Variants in PLA2G4B observed in about 807,000 individuals in gnomAD.
PLA2G4B encodes the protein phospholipase A2 group IVB, also known as cytosolic phospholipase A2 beta.
PLA2G4B carries 122 observed loss-of-function variants against 95.8 expected under a neutral mutation model. That is an observed-to-expected ratio of 1.27 (90% CI 1.10 to 1.48). The LOEUF (loss-of-function observed/expected upper bound fraction) is 1.48. Among genes scored for constraint, PLA2G4B ranks in the 40% most tolerant of loss-of-function variants. The pLI is 0.00. For synonymous variants in PLA2G4B, 518 were observed against 421.5 expected, an observed-to-expected ratio of 1.23 and a Z score of -2.80; for missense variants, 1,158 against 996.2, an observed-to-expected ratio of 1.16 and a Z score of -2.19.
In PLA2G4B at chr15:41,844,844, C is replaced by T; in HGVS notation, c.1017-4C>T. ...CCTCTGGCTTTGGCTTTGGCTTTTCCCAGGGCCTTGGCCAACCTTTATGAG... is the reference window on the plus strand; with the variant it reads ...CCTCTGGCTTTGGCTTTGGCTTTTCTCAGGGCCTTGGCCAACCTTTATGAG... On this transcript the variant is annotated splice_polypyrimidine_tract_variant and splice_region_variant and intron_variant, in intron 12 of 19. Coordinates refer to ENST00000458483, the MANE Select transcript of PLA2G4B (RefSeq NM_001114633.2). 1.3e-6 allele frequency: 2 copies of T among 1,597,866 alleles called. No homozygotes were observed. Among genetic ancestry groups the T allele is most frequent in the East Asian group, 2.3e-5 (1 of 44,412 alleles).
Position 41,847,894 on chromosome 15 carries a change from C to T in PLA2G4B, c.*34C>T, listed in dbSNP as rs900974207. 5 of 1,595,150 alleles carry T rather than the reference C, an allele frequency of 3.1e-6. No individual in the cohort carries two copies. Among genetic ancestry groups the T allele is most frequent in the Non-Finnish European group, 4.3e-6 (5 of 1,171,868 alleles). Reference sequence around the variant, plus strand: ...GCCCCTGCCACCCCTAACTCTCATTCATTCCCTGGCTGCTGAGTTGCAGGT... The same window carrying T: ...GCCCCTGCCACCCCTAACTCTCATTTATTCCCTGGCTGCTGAGTTGCAGGT... On this transcript the variant is annotated 3_prime_UTR_variant, in exon 20 of 20. Transcript: ENST00000458483.
In PLA2G4B at chr15:41,841,856, C is replaced by T; in HGVS notation, c.528C>T (p.Ser176=). The stretch of plus-strand genomic sequence containing the variant: ...GAGTTCAGCTTGTGGTTCCTGGGTC[C>T]TGTGAGGGTCCGCAGGAGGCCTCTG... ...EHRVQLVVPG[S]CEGPQEASVG... Residue 176 remains serine (S), a synonymous_variant, in exon 8 of 20, where the codon TCC becomes TCT. Coordinates refer to ENST00000458483, the MANE Select transcript of PLA2G4B (RefSeq NM_001114633.2). The T allele has an allele frequency of 6.2e-7, 1 of 1,613,564 alleles. No homozygotes were observed. Among genetic ancestry groups the T allele is most frequent in the South Asian group, 1.1e-5 (1 of 90,932 alleles).
chr15:41,847,230 G>A, intron 18 of PLA2G4B, 107 bp from the exon 19 acceptor site: 1 of 1,476,600 alleles, frequency 6.8e-7, no homozygotes, highest in Non-Finnish European at 9.0e-7. Flanking sequence ...CCCCACTGGA[G>A]ACCGTTTTGG....
chr15:41,840,892 C>G lies in PLA2G4B; in HGVS notation c.338C>G (p.Ser113Ter). The change falls in exon 4 of 20, where the codon TCA (serine) becomes TGA (stop). Residue 113 changes from serine to a stop codon, truncating the protein, a stop_gained. Coordinates refer to ENST00000458483, the MANE Select transcript of PLA2G4B (RefSeq NM_001114633.2). LOFTEE classifies it high-confidence loss of function. The stretch of plus-strand genomic sequence containing the variant: ...GGGGAGTTCCGGCGCGAGAGCTTCT[C>G]ACTGAGCCCTCAGGCAAGGCGGTGT... ...RAGEFRRESF[S>*]LSPQGEGRLE... 1 of 1,613,190 alleles carries G rather than the reference C, an allele frequency of 6.2e-7. No individual in the cohort carries two copies. Among genetic ancestry groups the G allele is most frequent in the Non-Finnish European group, 8.5e-7 (1 of 1,179,348 alleles).
At position 41,841,343 on chromosome 15, in the gene PLA2G4B, A is replaced by G. The variant is rs967106360; in HGVS notation, c.435+70A>G. The stretch of plus-strand genomic sequence containing the variant: ...CTCCCTCATGCCAGCGACTTGAGGT[A>G]CAGGCCCACCGCTGCCTCAGCCTGG... On this transcript the variant is annotated intron_variant, in intron 6 of 19. Coordinates refer to ENST00000458483, the MANE Select transcript of PLA2G4B (RefSeq NM_001114633.2). 1.4e-5 allele frequency: 22 copies of G among 1,611,148 alleles called. No homozygotes were observed. In the African/African-American group the frequency reaches 2.8e-4, roughly 21 times the overall value.
At chr15:41,843,900 A>G in intron 11 of PLA2G4B, 89 bp downstream of exon 11, 2 of 1,528,702 alleles carry the variant, frequency 1.3e-6, no homozygotes, top group Non-Finnish European at 1.8e-6. Context: ...TCCCCGATCT[A>G]GACCAGAGCT....
rs138301950 is a variant in PLA2G4B at position 41,847,460 on chromosome 15, G to A, written c.2071G>A (p.Gly691Arg). 43 of 1,613,088 alleles carry A rather than the reference G, an allele frequency of 2.7e-5. No homozygotes were observed. The highest frequency in any genetic ancestry group is 2.0e-4 in the Admixed American group (12 of 59,984). Residue 691 changes from glycine to arginine, a missense_variant, in exon 19 of 20, where the codon GGA becomes AGA. Gly to Arg is a moderately radical substitution (Grantham distance 125, BLOSUM62 -2). Transcript: ENST00000458483. ...CHTFSDPTCP[G>R]APAVLHFPLV... ...CACCTTCTCCGACCCCACCTGCCCC[G>A]GAGCCCCTGCGGTGCTGCACTTTCC...
In PLA2G4B at chr15:41,845,737, TGAA is replaced by T. The variant is rs1567172269; in HGVS notation, c.1460_1462del (p.Lys487del). On this transcript the variant is annotated inframe_deletion, in exon 15 of 20. Coordinates refer to ENST00000458483, the MANE Select transcript of PLA2G4B (RefSeq NM_001114633.2). ...TCCGAGTTCTTTATGGGGCAGCTGA[TGAA>T]GAGGCTTCCTGAGTCCCGCATCTGC... 1 of 1,611,388 alleles carries T rather than the reference TGAA, an allele frequency of 6.2e-7. No homozygotes were observed. Among genetic ancestry groups the T allele is most frequent in the Non-Finnish European group, 8.5e-7 (1 of 1,178,766 alleles).
Position 41,847,434 on chromosome 15 carries a change from A to C in PLA2G4B, c.2045A>C (p.His682Pro). The change falls in exon 19 of 20, where the codon CAC (histidine) becomes CCC (proline). Residue 682 changes from histidine (H) to proline (P), a missense_variant. Transcript: ENST00000458483. ...PEEQLQPREC[H>P]TFSDPTCPGA... ...GAGCAGCTCCAGCCTCGGGAGTGCCACACCTTCTCCGACCCCACCTGCCCC... is the reference window on the plus strand; with the variant it reads ...GAGCAGCTCCAGCCTCGGGAGTGCCCCACCTTCTCCGACCCCACCTGCCCC... 6.2e-7 allele frequency: 1 copy of C among 1,613,368 alleles called. No individual in the cohort carries two copies. Among genetic ancestry groups the C allele is most frequent in the South Asian group, 1.1e-5 (1 of 91,070 alleles).
In PLA2G4B at chr15:41,841,801, T is replaced by C. The variant is rs1229108293; in HGVS notation, c.491-18T>C. 8 of 1,612,438 alleles carry C rather than the reference T, an allele frequency of 5.0e-6. 1 individual carries two copies. The South Asian group carries it at 8.8e-5, about 18-fold the overall frequency. The stretch of plus-strand genomic sequence containing the variant: ...GAGATACCGTCCCCAGCCTCTCTGC[T>C]CTGGTTCCTGTTTCCAGCCTCAGAG... On this transcript the variant is annotated intron_variant, in intron 7 of 19. Transcript: ENST00000458483.
At chr15:41,840,110 C>G (rs759146471) in intron 1 of PLA2G4B, 48 bp from the exon 2 acceptor site, 1 of 1,600,838 alleles carries the variant, frequency 6.2e-7, no homozygotes, top group African/African-American at 1.3e-5. Context: ...CCCTGTCACC[C>G]TTGGCTTCAT....
chr15:41,847,709 C>G lies in PLA2G4B; in HGVS notation c.2195C>G (p.Ser732Cys), dbSNP rs2065595789. The G allele has an allele frequency of 1.9e-6, 3 of 1,613,640 alleles. No individual in the cohort carries two copies. Among genetic ancestry groups the G allele is most frequent in the Non-Finnish European group, 2.5e-6 (3 of 1,180,048 alleles). ...AGEVNLSSSD[S>C]PYHYTKVTYS... ...GAGGTGAACCTGTCTTCATCGGACT[C>G]TCCCTACCACTACACGAAGGTGACC... Residue 732 changes from serine (S) to cysteine (C), a missense_variant, in exon 20 of 20, where the codon TCT (serine) becomes TGT (cysteine). Coordinates refer to ENST00000458483, the MANE Select transcript of PLA2G4B (RefSeq NM_001114633.2).
At chr15:41,842,346 C>T (rs1160724839) in intron 9 of PLA2G4B, 70 bp downstream of exon 9, 4 of 1,595,712 alleles carry the variant, frequency 2.5e-6, no homozygotes, top group South Asian at 1.1e-5. Context: ...AAGGGAGGGG[C>T]CTGCTTCCCG....
rs1367807149 is a variant in PLA2G4B, at chr15:41,848,006, C to T, written c.*146C>T. 9.5e-6 allele frequency: 11 copies of T among 1,153,080 alleles called. No homozygotes were observed. Among genetic ancestry groups the T allele is most frequent in the Non-Finnish European group, 1.2e-5 (10 of 835,244 alleles). The allele number at this position is 1,153,080 out of a possible 1,614,324, so 71.4% of individuals were successfully genotyped here. On this transcript the variant is annotated 3_prime_UTR_variant, in exon 20 of 20. Coordinates refer to ENST00000458483, the MANE Select transcript of PLA2G4B (RefSeq NM_001114633.2). ...AGGCTGAGGGCTGGGAGCTCCCTTG[C>T]GCCTCAGCAGTTTGCAGTGGGGTAA...
intron 14 of PLA2G4B, 128 bp from the exon 15 acceptor site, chr15:41,845,510 C>T (rs1034120587): frequency 9.1e-5 from 137 of 1,497,886 alleles, no homozygotes; most frequent in Non-Finnish European, 1.2e-4. Flanking sequence ...GTCCTATGCA[C>T]GAAGCCCAGG....
In PLA2G4B at chr15:41,844,624, C is replaced by T. The variant is rs760366267; in HGVS notation, c.1016+17C>T. 6.2e-7 allele frequency: 1 copy of T among 1,613,854 alleles called. No homozygotes were observed. Among genetic ancestry groups the T allele is most frequent in the South Asian group, 1.1e-5 (1 of 91,064 alleles). On this transcript the variant is annotated intron_variant, in intron 12 of 19. Transcript: ENST00000458483. ...CTCCACCTGGTGAGCTGGGGGCAGG[C>T]TGATGCTGGACCCTGTGTGGCAGGG...
intron 18 of PLA2G4B, 144 bp downstream of exon 18, chr15:41,846,979 G>T: frequency 1.7e-6 from 2 of 1,208,030 alleles, no homozygotes; most frequent in East Asian, 5.2e-5. Context: ...CACCAGAGGA[G>T]CTCATTCTTT....
chr15:41,842,081 TC>T, intron 8 of PLA2G4B, 111 bp from the exon 9 acceptor site: 1 of 1,564,946 alleles, frequency 6.4e-7, no homozygotes, highest in Non-Finnish European at 8.7e-7. Context: ...CATGCTGGCC[TC>T]CCCTTCCCGT....
chr15:41,839,290 G>A (rs2065381293), intron 1 of PLA2G4B: 2 of 188,642 alleles, frequency 1.1e-5, no homozygotes, highest in Non-Finnish European at 2.2e-5. Flanking sequence ...GGTGGATGAG[G>A]CCCTCCAGCA....
Sources: allele counts gnomAD v4.1 joint callset, GRCh38; gene constraint gnomAD v4.1.1; transcripts MANE v1.5; gene names NCBI Gene and HGNC (gene_info 2026-07-23, HGNC 2026-07-21).